The following ARHGAP5 variants were observed in gnomAD, a reference collection of about 807,000 sequenced individuals.
The protein encoded by ARHGAP5 is rho GTPase-activating protein 5.
Under a neutral mutation model 116.6 loss-of-function variants are expected in ARHGAP5, and 23 were observed. The ratio of observed to expected loss-of-function variants is 0.20; its 90% confidence interval spans 0.14 to 0.28. The LOEUF is 0.28. Among genes scored for constraint, ARHGAP5 ranks in the 10% least tolerant of loss-of-function variants. The probability of loss-of-function intolerance (pLI) is 1.00; values close to 1 mark genes in which losing one functional copy is unlikely to be tolerated. For synonymous variants in ARHGAP5, 574 were observed against 602.0 expected (o/e 0.95, Z 0.68); for missense variants, 1,405 against 1,774.8 (o/e 0.79, Z 3.74).
chr14:32,084,590 T>C (rs1048257935), intron 1 of ARHGAP5, among the ~76,000 whole-genome samples: 1 of 152,196 alleles, frequency 6.6e-6, no homozygotes, highest in Admixed American at 6.5e-5. Context: ...TTGCTGGAGA[T>C]TTGATTCCAA....
intron 3 of ARHGAP5, among the ~76,000 whole-genome samples, chr14:32,138,037 T>A (rs543082434): frequency 6.6e-6 from 1 of 152,230 alleles, no homozygotes; most frequent in East Asian, 1.9e-4. Context: ...TATTTAGATC[T>A]TGATCTTTAG....
At position 32,149,953 on chromosome 14, in the gene ARHGAP5, G is replaced by A. The variant is rs749152883; in HGVS notation, c.3995G>A (p.Gly1332Glu). The change falls in exon 5 of 7, where the codon GGA (glycine) becomes GAA (glutamate). Residue 1332 changes from glycine to glutamate, a missense_variant. By Grantham distance (98) the Gly-to-Glu change is moderately conservative (BLOSUM62 -2). Around this residue, in one of 6 missense-constraint regions of ARHGAP5, gnomAD observed 176 missense variants for 221.2 expected, o/e 0.80. Transcript: ENST00000345122. Reference protein sequence around the residue: ...SMEVTVNAVAGALKAFFADLP... With the variant: ...SMEVTVNAVAEALKAFFADLP... ...GAAGTAACAGTAAATGCTGTAGCTG[G>A]AGCCCTTAAAGCTTTCTTTGCAGAT... 11 of 1,602,680 alleles carry A rather than the reference G, an allele frequency of 6.9e-6. No individual in the cohort carries two copies. The highest frequency in any genetic ancestry group is 9.4e-6 in the Non-Finnish European group (11 of 1,173,352).
At position 32,142,118 on chromosome 14, in the gene ARHGAP5, G is replaced by A. The variant is rs140627579; in HGVS notation, c.3866-4145G>A. The stretch of plus-strand genomic sequence containing the variant: ...GCGTCTTTTTATAATTTCTGTGTAT[G>A]TATTGATATTCAGTTCGTTGAGTCA... On this transcript the variant is annotated intron_variant, in intron 3 of 6. Coordinates refer to ENST00000345122, the MANE Select transcript of ARHGAP5 (RefSeq NM_001030055.2). 2.4e-4 allele frequency among the ~76,000 whole-genome samples: 36 copies of A among 152,164 alleles called. 1 individual carries two copies. The East Asian group carries it at 6.4e-3, about 27-fold the overall frequency.
rs1254834407 is a variant in ARHGAP5 at position 32,157,556 on chromosome 14, A to AT, written c.*2609dup. 1 of 152,310 alleles carries AT rather than the reference A, an allele frequency of 6.6e-6. No individual in the cohort carries two copies. Among genetic ancestry groups the AT allele is most frequent in the African/African-American group, 2.4e-5 (1 of 41,452 alleles). 9.4% of individuals were successfully genotyped at this position (152,310 alleles called of 1,614,324 possible). On this transcript the variant is annotated 3_prime_UTR_variant, in exon 7 of 7. Coordinates refer to ENST00000345122, the MANE Select transcript of ARHGAP5 (RefSeq NM_001030055.2). ...ATCTAGATTAGCAATATAAAGAAGC[A>AT]TAGTGGTACTCTGTTTCACACTTTC...
intron 1 of ARHGAP5, among the ~76,000 whole-genome samples, chr14:32,084,050 G>A (rs1219289844): frequency 6.6e-6 from 1 of 152,168 alleles, no homozygotes; most frequent in Non-Finnish European, 1.5e-5. Context: ...AGAAATGAAA[G>A]AATTTAGAAT....
At chr14:32,125,868 A>G (rs1880127114) in intron 3 of ARHGAP5, among the ~76,000 whole-genome samples, 1 of 152,046 alleles carries the variant, frequency 6.6e-6, no homozygotes, top group South Asian at 2.1e-4. Context: ...TAGGTATTTT[A>G]TTGGAATGTT....
chr14:32,117,395 A>G, intron 3 of ARHGAP5, 108 bp downstream of exon 3: 4 of 1,015,426 alleles, frequency 3.9e-6, no homozygotes, highest in Non-Finnish European at 5.5e-6. Context: ...CATTATTAGG[A>G]TTATTTAGTA....
chr14:32,152,331 T>A (rs1881673320), intron 5 of ARHGAP5, 92 bp from the exon 6 acceptor site: 1 of 860,216 alleles, frequency 1.2e-6, no homozygotes, highest in African/African-American at 1.8e-5. Context: ...AAACACATTC[T>A]TGACTGTTAT....
intron 2 of ARHGAP5, among the ~76,000 whole-genome samples, chr14:32,104,138 T>C (rs572146372): frequency 6.6e-6 from 1 of 152,150 alleles, no homozygotes; most frequent in South Asian, 2.1e-4. Flanking sequence ...ACTCCTTGTA[T>C]AAGATGAGAG....
At chr14:32,082,397 A>G (rs2041785952) in intron 1 of ARHGAP5, among the ~76,000 whole-genome samples, 4 of 152,180 alleles carry the variant, frequency 2.6e-5, no homozygotes, top group Non-Finnish European at 5.9e-5. Context: ...TGGAAATAAC[A>G]CCTGAAAGTG....
At chr14:32,141,939 CCT>C (rs1881145128) in intron 3 of ARHGAP5, among the ~76,000 whole-genome samples, 1 of 151,964 alleles carries the variant, frequency 6.6e-6, no homozygotes, top group Admixed American at 6.6e-5. Context: ...TTCATTCATT[CCT>C]CTTTTCTCTT....
rs1594344668 is a variant in ARHGAP5 at position 32,091,392 on chromosome 14, A to C, written c.723A>C (p.Ala241=). 6.2e-7 allele frequency: 1 copy of C among 1,611,698 alleles called. No homozygotes were observed. Among genetic ancestry groups the C allele is most frequent in the East Asian group, 2.2e-5 (1 of 44,838 alleles). Reference sequence around the variant, plus strand: ...TCAACATTGAAACATGTTTTACTGCACTGGTACAAATGTTGGATAAAACTC... The same window carrying C: ...TCAACATTGAAACATGTTTTACTGCCCTGGTACAAATGTTGGATAAAACTC... ...FNVNIETCFT[A]LVQMLDKTRS... Residue 241 remains alanine (A), a synonymous_variant, in exon 2 of 7, where the codon GCA becomes GCC. Coordinates refer to ENST00000345122, the MANE Select transcript of ARHGAP5 (RefSeq NM_001030055.2).
intron 3 of ARHGAP5, among the ~76,000 whole-genome samples, chr14:32,134,885 G>A (rs114856820): frequency 0.028 from 4,288 of 152,214 alleles, 196 homozygotes; most frequent in African/African-American, 0.096. Context: ...GAGCCATCAC[G>A]TTTACAAGAA....
intron 2 of ARHGAP5, among the ~76,000 whole-genome samples, chr14:32,102,052 A>G (rs1204475058): frequency 6.6e-6 from 1 of 152,220 alleles, no homozygotes; most frequent in African/African-American, 2.4e-5. Flanking sequence ...ACTTTGTTGA[A>G]TGAGCAAAGA....
At chr14:32,137,435 A>C (rs1172886117) in intron 3 of ARHGAP5, among the ~76,000 whole-genome samples, 3 of 151,580 alleles carry the variant, frequency 2.0e-5, no homozygotes, top group Admixed American at 2.0e-4. Context: ...TGTATATTAT[A>C]CTTTTGCTAG....
chr14:32,119,242 T>C (rs538847157), intron 3 of ARHGAP5, among the ~76,000 whole-genome samples: 1 of 152,238 alleles, frequency 6.6e-6, no homozygotes, highest in Admixed American at 6.5e-5. Context: ...TTTACAGCTC[T>C]CAAAATGAAC....
rs753441587 is a variant in ARHGAP5 at position 32,093,445 on chromosome 14, C to T, written c.2776C>T (p.Arg926Trp). ...ACTGTATTCTTTATCTCAGTATCAT[C>T]GGCAAACTGAGGTCTTTACTCTGTT... ...TALYSLSQYH[R>W]QTEVFTLFFS... is the part of the protein sequence containing the mutation. Residue 926 changes from arginine (R) to tryptophan (W), a missense_variant, in exon 2 of 7, where the codon CGG (arginine) becomes TGG (tryptophan). Coordinates refer to ENST00000345122, the MANE Select transcript of ARHGAP5 (RefSeq NM_001030055.2). 36 of 1,613,314 alleles carry T rather than the reference C, an allele frequency of 2.2e-5. No homozygotes were observed. Among genetic ancestry groups the T allele is most frequent in the Non-Finnish European group, 2.9e-5 (34 of 1,179,776 alleles).
chr14:32,153,060 T>G (rs1053695657), intron 6 of ARHGAP5, among the ~76,000 whole-genome samples: 8 of 145,812 alleles, frequency 5.5e-5, no homozygotes, highest in Non-Finnish European at 7.5e-5. Context: ...TGTTTTTTTT[T>G]TTTTTTAAAC....
chr14:32,099,502 T>C (rs1247365401), intron 2 of ARHGAP5, among the ~76,000 whole-genome samples: 1 of 152,188 alleles, frequency 6.6e-6, no homozygotes, highest in Non-Finnish European at 1.5e-5. Flanking sequence ...CACTTACCTT[T>C]CTTAGCTGGT....
Sources: gnomAD v4.1 joint callset for allele counts (sites outside exome capture counted in the v4.1 genomes callset) on GRCh38, gnomAD v4.1.1 for gene constraint, gnomAD v4.1.1 regional missense constraint, MANE v1.5 for transcripts, NCBI Gene and HGNC (gene_info 2026-07-23, HGNC 2026-07-21) for gene names.